The following GET1 variants were observed in gnomAD, a reference collection of about 807,000 sequenced individuals.
The protein encoded by GET1 is congenital heart disease 5 protein.
A neutral mutation model predicts 22.6 loss-of-function variants in GET1; 20 were observed. The observed-to-expected ratio is 0.89, with a 90% CI of 0.62 to 1.29. GET1 has a LOEUF of 1.29. Among genes scored for constraint, GET1 ranks in the 50% most tolerant of loss-of-function variants. GET1 has a pLI of 0.00. For missense variants in GET1, 209 were observed against 219.9 expected, an observed-to-expected ratio of 0.95 and a Z score of 0.31; for synonymous variants, 92 against 83.8, an observed-to-expected ratio of 1.10 and a Z score of -0.53.
intron 1 of GET1, among the ~76,000 whole-genome samples, chr21:39,417,774 A>AT (rs960729340): frequency 1.2e-4 from 18 of 150,642 alleles, no homozygotes; most frequent in African/African-American, 3.4e-4. Flanking sequence ...TTAATTTTTA[A>AT]TTTTTTTTTG....
At chr21:39,415,743 T>C (rs2041022490) in intron 1 of GET1, among the ~76,000 whole-genome samples, 1 of 152,248 alleles carries the variant, frequency 6.6e-6, no homozygotes, top group South Asian at 2.1e-4. Context: ...TGTCTTTTAA[T>C]CTATAGATTC....
intron 1 of GET1, among the ~76,000 whole-genome samples, chr21:39,383,836 G>A (rs1400387491): frequency 2.6e-5 from 4 of 152,140 alleles, no homozygotes; most frequent in Non-Finnish European, 5.9e-5. Context: ...CGCCTCCCAG[G>A]TTCAAGCAAT....
intron 1 of GET1, among the ~76,000 whole-genome samples, chr21:39,384,351 G>A (rs1012475077): frequency 2.0e-5 from 3 of 151,842 alleles, no homozygotes; most frequent in Non-Finnish European, 2.9e-5. Context: ...CTGCCTCCTG[G>A]GTTCAAGCGA....
chr21:39,415,979 G>GT (rs1393302903), intron 1 of GET1, among the ~76,000 whole-genome samples: 1 of 152,112 alleles, frequency 6.6e-6, no homozygotes, highest in Non-Finnish European at 1.5e-5. Flanking sequence ...CAGGAAGCGC[G>GT]TATCTCTTAT....
At chr21:39,399,665 T>C (rs2038791105), downstream of GET1, among the ~76,000 whole-genome samples, 1 of 152,138 alleles carries the variant, frequency 6.6e-6, no homozygotes, top group South Asian at 2.1e-4. Flanking sequence ...GGTCTTGAAC[T>C]CTTGACCTCA....
intron 1 of GET1, among the ~76,000 whole-genome samples, chr21:39,415,442 C>A (rs1704886621): frequency 6.6e-6 from 1 of 152,174 alleles, no homozygotes; most frequent in African/African-American, 2.4e-5. Flanking sequence ...TACTAATGAA[C>A]AACTCATGTG....
chr21:39,398,885 G>T (rs957057801), downstream of GET1, among the ~76,000 whole-genome samples: 6 of 151,608 alleles, frequency 4.0e-5, no homozygotes, highest in Non-Finnish European at 8.8e-5. Flanking sequence ...GATTACAGGC[G>T]CCCGCCATGA....
At chr21:39,414,129 T>G (rs1486625050) in intron 1 of GET1, 2 of 152,202 alleles carry the variant, frequency 1.3e-5, no homozygotes, top group African/African-American at 4.8e-5. Context: ...TGGCTGGGAG[T>G]GTTCATGCAA....
downstream of GET1, chr21:39,410,285 A>G (rs749638976): frequency 1.9e-6 from 3 of 1,607,646 alleles, no homozygotes; most frequent in South Asian, 2.2e-5. Context: ...AAGGTGGAAC[A>G]TCTGATTTTT....
chr21:39,393,864 G>T (rs1306568470), intron 4 of GET1, among the ~76,000 whole-genome samples: 1 of 151,946 alleles, frequency 6.6e-6, no homozygotes, highest in African/African-American at 2.4e-5. Flanking sequence ...TGGCCAGGCT[G>T]GTCTCAAACT....
Position 39,391,606 on chromosome 21 carries a change from G to A in GET1, c.269-163G>A, listed in dbSNP as rs975171005. 2.0e-4 allele frequency: 130 copies of A among 662,814 alleles called. No individual in the cohort carries two copies. The African/African-American group carries it at 2.2e-3, about 11-fold the overall frequency. The allele number at this position is 662,814 out of a possible 1,614,324, so 41.1% of individuals were successfully genotyped here. On this transcript the variant is annotated intron_variant, in intron 2 of 4. Coordinates refer to ENST00000649170, the MANE Select transcript of GET1 (RefSeq NM_004627.6). ...TTAAATAATGGCATAATGAGATGGT[G>A]GGTGACTTAAAAATTCTATTTTATA...
intron 1 of GET1, among the ~76,000 whole-genome samples, chr21:39,414,646 G>A (rs2040717967): frequency 1.3e-5 from 2 of 151,988 alleles, no homozygotes; most frequent in African/African-American, 4.8e-5. Flanking sequence ...CTGTGAGGCA[G>A]AAGTGATGCT....
At chr21:39,401,608 C>G (rs146107799), downstream of GET1, among the ~76,000 whole-genome samples, 4 of 152,106 alleles carry the variant, frequency 2.6e-5, no homozygotes, top group African/African-American at 9.7e-5. Flanking sequence ...CTTTTCAGCA[C>G]GCAGACATGT....
chr21:39,393,330 A>G (rs757923302), intron 4 of GET1, 50 bp downstream of exon 4: 3 of 1,435,710 alleles, frequency 2.1e-6, no homozygotes, highest in East Asian at 4.6e-5. Context: ...AGGCTTATGT[A>G]GAGGTGTGTG....
chr21:39,422,929 C>T, intron 1 of GET1: 1 of 1,561,316 alleles, frequency 6.4e-7, no homozygotes, highest in Non-Finnish European at 8.7e-7. Context: ...CACCCTCTCT[C>T]TATTAACTTT....
intron 1 of GET1, among the ~76,000 whole-genome samples, chr21:39,386,770 A>G (rs963371960): frequency 4.6e-5 from 7 of 152,242 alleles, no homozygotes; most frequent in Non-Finnish European, 1.0e-4. Flanking sequence ...CTTACACTGC[A>G]TGATTCTAGA....
downstream of GET1, among the ~76,000 whole-genome samples, chr21:39,402,541 T>A (rs1463127437): frequency 6.6e-6 from 1 of 152,236 alleles, no homozygotes; most frequent in Non-Finnish European, 1.5e-5. Context: ...TGCTCAGACA[T>A]ATTCGGCAAA....
At chr21:39,398,527 C>T (rs1027704028), downstream of GET1, among the ~76,000 whole-genome samples, 4 of 151,746 alleles carry the variant, frequency 2.6e-5, no homozygotes, top group Non-Finnish European at 4.4e-5. Context: ...TTTCCCCATG[C>T]GTGAATAGTT....
chr21:39,422,877 G>T, intron 1 of GET1: 1 of 1,078,524 alleles, frequency 9.3e-7, no homozygotes, highest in African/African-American at 1.6e-5. Context: ...GAAGCAGTTA[G>T]TAATGCTTTG....
Sources: gnomAD v4.1 joint callset for allele counts (sites outside exome capture counted in the v4.1 genomes callset) on GRCh38, gnomAD v4.1.1 for gene constraint, MANE v1.5 for transcripts, NCBI Gene and HGNC (gene_info 2026-07-23, HGNC 2026-07-21) for gene names.